UHRF2: variants seen among roughly 807,000 people sequenced by gnomAD.
UHRF2 encodes the protein E3 ubiquitin-protein ligase UHRF2.
A neutral mutation model predicts 96.8 loss-of-function variants in UHRF2; 23 were observed. The ratio of observed to expected loss-of-function variants is 0.24; its 90% confidence interval spans 0.17 to 0.34. The LOEUF is 0.34. Ranked by LOEUF, UHRF2 falls within the 10% of genes least tolerant of loss-of-function variation. The pLI is 1.00. For missense variants in UHRF2, 685 were observed against 981.5 expected, an observed-to-expected ratio of 0.70 and a Z score of 4.04; for synonymous variants, 385 against 332.6, an observed-to-expected ratio of 1.16 and a Z score of -1.72.
At chr9:6,459,674 A>G (rs1368868167) in intron 3 of UHRF2, among the ~76,000 whole-genome samples, 2 of 152,172 alleles carry the variant, frequency 1.3e-5, no homozygotes, top group Non-Finnish European at 2.9e-5. Context: ...ATCTCACAAA[A>G]CAAAACAAAA....
chr9:6,438,378 T>C (rs1380085545), intron 3 of UHRF2, among the ~76,000 whole-genome samples: 2 of 152,228 alleles, frequency 1.3e-5, no homozygotes, highest in African/African-American at 2.4e-5. Flanking sequence ...TGACAGCATG[T>C]CATTTTTACC....
At chr9:6,477,350 C>A (rs7034328) in intron 5 of UHRF2, among the ~76,000 whole-genome samples, 16,393 of 151,784 alleles carry the variant, frequency 0.11, 1,207 homozygotes, top group East Asian at 0.26. Context: ...CATGGAGAAA[C>A]CCCATCTCTA....
chr9:6,501,218 T>C (rs931100198), intron 14 of UHRF2, among the ~76,000 whole-genome samples: 3 of 152,224 alleles, frequency 2.0e-5, no homozygotes, highest in Admixed American at 1.3e-4. Context: ...AGTTAATTAA[T>C]GTGTGGGCTT....
intron 8 of UHRF2, among the ~76,000 whole-genome samples, chr9:6,483,565 T>G (rs959347723): frequency 1.3e-5 from 2 of 152,188 alleles, no homozygotes; most frequent in African/African-American, 2.4e-5. Flanking sequence ...TTTTTTACTC[T>G]CTCGACTTGG....
chr9:6,477,575 TAA>T (rs750145049), intron 5 of UHRF2, 45 bp from the exon 6 acceptor site: 3 of 1,504,698 alleles, frequency 2.0e-6, no homozygotes, highest in Non-Finnish European at 2.7e-6. Flanking sequence ...TTCATAGATA[TAA>T]AAAATGTTTT....
Position 6,476,873 on chromosome 9 carries a change from A to G in UHRF2, c.974-749A>G, listed in dbSNP as rs548298108. ...CTCCTAAAGTGCTGGTATTACAGGCATGAGCCACCACGCCCGGCCTCAGGC... is the reference window on the plus strand; with the variant it reads ...CTCCTAAAGTGCTGGTATTACAGGCGTGAGCCACCACGCCCGGCCTCAGGC... On this transcript the variant is annotated intron_variant, in intron 5 of 15. Transcript: ENST00000276893. 6.6e-5 allele frequency among the ~76,000 whole-genome samples: 10 copies of G among 152,262 alleles called. No homozygotes were observed. The South Asian group carries it at 1.7e-3, about 25-fold the overall frequency.
At chr9:6,457,129 CTAT>C (rs924191558) in intron 3 of UHRF2, among the ~76,000 whole-genome samples, 1 of 152,170 alleles carries the variant, frequency 6.6e-6, no homozygotes, top group Admixed American at 6.5e-5. Context: ...ACTGATTCTT[CTAT>C]CCATGAGCAT....
rs17852552 is a variant in UHRF2 at position 6,460,787 on chromosome 9, C to T, written c.859C>T (p.Leu287=). ...TKKELRVKIF[L]GGSEGTLNDC... ...AAAAGAACTTCGTGTGAAAATTTTCCTGGGGTAAGATTGTCTTCACTGGTG... is the reference window on the plus strand; with the variant it reads ...AAAAGAACTTCGTGTGAAAATTTTCTTGGGGTAAGATTGTCTTCACTGGTG... Residue 287 remains leucine (L), a synonymous_variant, in exon 4 of 16, where the codon CTG becomes TTG. Coordinates refer to ENST00000276893, the MANE Select transcript of UHRF2 (RefSeq NM_152896.3). The T allele has an allele frequency of 1.2e-6, 2 of 1,611,886 alleles. No individual in the cohort carries two copies. The highest frequency in any genetic ancestry group is 1.1e-5 in the South Asian group (1 of 90,584).
At chr9:6,469,174 A>G (rs1227219134) in intron 4 of UHRF2, among the ~76,000 whole-genome samples, 1 of 152,198 alleles carries the variant, frequency 6.6e-6, no homozygotes, top group Non-Finnish European at 1.5e-5. Flanking sequence ...AATTATATGG[A>G]GATTCTAGAA....
chr9:6,467,763 C>T (rs1822967246), intron 4 of UHRF2, among the ~76,000 whole-genome samples: 1 of 152,004 alleles, frequency 6.6e-6, no homozygotes, highest in Admixed American at 6.6e-5. Flanking sequence ...TCTGCTTGAG[C>T]CTTTTTAGAC....
At chr9:6,457,938 A>G (rs4384035) in intron 3 of UHRF2, among the ~76,000 whole-genome samples, 27,069 of 152,098 alleles carry the variant, frequency 0.18, 2,537 homozygotes, top group East Asian at 0.27. Context: ...TTTTGCATCA[A>G]TGTTCATAGG....
intron 9 of UHRF2, among the ~76,000 whole-genome samples, chr9:6,487,514 G>T (rs933031716): frequency 2.6e-5 from 4 of 152,114 alleles, no homozygotes; most frequent in African/African-American, 7.2e-5. Flanking sequence ...TTACAAGTAT[G>T]CACCACTGTG....
chr9:6,460,752 C>G lies in UHRF2; in HGVS notation c.824C>G (p.Ser275Ter), dbSNP rs1822490872. The change falls in exon 4 of 16, where the codon TCA becomes TGA. Residue 275 changes from serine (S) to a stop codon, truncating the protein, a stop_gained. Coordinates refer to ENST00000276893, the MANE Select transcript of UHRF2 (RefSeq NM_152896.3). LOFTEE classifies it high-confidence loss of function. ...DAEITTLKTISRTKKELRVKI... is the reference protein window; with the variant it reads ...DAEITTLKTI ...GAAATTACCACATTGAAGACAATCT[C>G]AAGGACCAAAAAAGAACTTCGTGTG... The G allele has an allele frequency of 6.2e-7, 1 of 1,613,172 alleles. No individual in the cohort carries two copies. The highest frequency in any genetic ancestry group is 8.5e-7 in the Non-Finnish European group (1 of 1,179,786).
intron 3 of UHRF2, among the ~76,000 whole-genome samples, chr9:6,439,841 T>G (rs568059494): frequency 2.0e-5 from 3 of 152,160 alleles, no homozygotes; most frequent in South Asian, 4.1e-4. Flanking sequence ...TATACTTGAA[T>G]GAAAACTCTT....
intron 4 of UHRF2, among the ~76,000 whole-genome samples, chr9:6,472,479 T>C (rs1002785415): frequency 6.6e-6 from 1 of 152,196 alleles, no homozygotes; most frequent in African/African-American, 2.4e-5. Flanking sequence ...TATAGACAAA[T>C]TGTCATTAAC....
chr9:6,430,193 A>G (rs138056538), intron 2 of UHRF2, among the ~76,000 whole-genome samples: 4,918 of 152,262 alleles, frequency 0.032, 264 homozygotes, highest in African/African-American at 0.11. Flanking sequence ...TACTTTTAGT[A>G]GAGACAGGGT....
At chr9:6,505,117 C>T (rs1379916193) in intron 15 of UHRF2, among the ~76,000 whole-genome samples, 1 of 152,096 alleles carries the variant, frequency 6.6e-6, no homozygotes, top group African/African-American at 2.4e-5. Flanking sequence ...GTGTTTTAGT[C>T]AAGCCAAGGT....
chr9:6,471,979 G>A (rs1426552809), intron 4 of UHRF2, among the ~76,000 whole-genome samples: 1 of 152,168 alleles, frequency 6.6e-6, no homozygotes, highest in East Asian at 1.9e-4. Flanking sequence ...TTTTAAAATT[G>A]TTTTTGAGGT....
At chr9:6,419,797 A>G (rs1001722612) in intron 1 of UHRF2, among the ~76,000 whole-genome samples, 2 of 152,012 alleles carry the variant, frequency 1.3e-5, no homozygotes, top group African/African-American at 2.4e-5. Flanking sequence ...CTTGAGTGCA[A>G]TAGCATGATC....
Sources: gnomAD v4.1 joint callset for allele counts (sites outside exome capture counted in the v4.1 genomes callset) on GRCh38, gnomAD v4.1.1 for gene constraint, MANE v1.5 for transcripts, NCBI Gene and HGNC (gene_info 2026-07-23, HGNC 2026-07-21) for gene names.